Variants in SLIT3 observed in about 807,000 individuals in gnomAD.
SLIT3 encodes the protein slit guidance ligand 3.
SLIT3 carries 68 observed loss-of-function variants against 184.0 expected under a neutral mutation model. That is an observed-to-expected ratio of 0.37 (90% CI 0.30 to 0.45). The LOEUF (loss-of-function observed/expected upper bound fraction) is 0.45, where lower values mean the gene tolerates loss of function less well. Ranked by LOEUF, SLIT3 falls within the 20% of genes least tolerant of loss-of-function variation. The pLI, the probability that SLIT3 is intolerant of heterozygous loss-of-function variation, is 1.00. For missense variants in SLIT3, 1,707 were observed against 2,026.0 expected (o/e 0.84, Z 3.02); for synonymous variants, 831 against 828.6 (o/e 1.00, Z -0.05).
At chr5:169,242,881 T>G (rs1479538393) in intron 3 of SLIT3, among the ~76,000 whole-genome samples, 1 of 152,040 alleles carries the variant, frequency 6.6e-6, no homozygotes, top group Non-Finnish European at 1.5e-5. Context: ...AAATATTTCA[T>G]CGATATTCCC....
rs373741690 is a variant in SLIT3, at chr5:168,883,295, G to A, written c.455C>T (p.Ala152Val). The A allele has an allele frequency of 2.5e-6, 4 of 1,614,060 alleles. No homozygotes were observed. Among genetic ancestry groups the A allele is most frequent in the East Asian group, 2.2e-5 (1 of 44,880 alleles). Residue 152 changes from alanine to valine, a missense_variant, in exon 5 of 36, where the codon GCG becomes GTG. Coordinates refer to ENST00000519560, the MANE Select transcript of SLIT3 (RefSeq NM_003062.4). Reference sequence around the variant, plus strand: ...CTTCACATCGGTGATGCCGCGGAACGCCTTCCTCGGGATCCCCTGGATCTG... The same window carrying A: ...CTTCACATCGGTGATGCCGCGGAACACCTTCCTCGGGATCCCCTGGATCTG... ...ENQIQGIPRK[A>V]FRGITDVKNL...
chr5:168,730,347 T>C (rs1459270472), intron 20 of SLIT3, among the ~76,000 whole-genome samples: 1 of 152,014 alleles, frequency 6.6e-6, no homozygotes, highest in African/African-American at 2.4e-5. Context: ...AAAGAAACAC[T>C]GGACTTAAAT....
intron 5 of SLIT3, among the ~76,000 whole-genome samples, chr5:168,865,022 G>C (rs1759247164): frequency 6.6e-6 from 1 of 151,610 alleles, no homozygotes; most frequent in Admixed American, 6.6e-5. Context: ...ACAAAAATTA[G>C]CCAGGCGTGG....
chr5:169,044,712 G>A (rs1331141756), intron 4 of SLIT3, among the ~76,000 whole-genome samples: 6 of 151,852 alleles, frequency 4.0e-5, no homozygotes, highest in Non-Finnish European at 8.8e-5. Flanking sequence ...AGCACTGAAT[G>A]ATATAATTTA....
rs56062027 is a variant in SLIT3 at position 169,084,454 on chromosome 5, A to ATTTTT, written c.413+109020_413+109024dup. Among the ~76,000 whole-genome samples the ATTTTT allele has an allele frequency of 7.0e-3, 707 of 101,172 alleles. 2 individuals carry two copies. Among genetic ancestry groups the ATTTTT allele is most frequent in the African/African-American group, 9.4e-3 (241 of 25,622 alleles). 66.4% of individuals were successfully genotyped at this position (101,172 alleles called of 152,430 possible). A position where few individuals can be genotyped will look rare whatever the true frequency, so the allele number is the denominator to read the frequency against. On this transcript the variant is annotated intron_variant, in intron 4 of 35. Transcript: ENST00000519560. Reference sequence around the variant, plus strand: ...TACAGGCATGCGCCACCATGCCCAGATTTTTTTTTTTTTTTTTTTTTTTTG... The same window carrying ATTTTT: ...TACAGGCATGCGCCACCATGCCCAGATTTTTTTTTTTTTTTTTTTTTTTTTTTTTG...
chr5:169,004,994 T>G (rs1325482157), intron 4 of SLIT3, among the ~76,000 whole-genome samples: 1 of 152,218 alleles, frequency 6.6e-6, no homozygotes, highest in Non-Finnish European at 1.5e-5. Flanking sequence ...TTCTTCTTTT[T>G]TACAAATTGA....
At chr5:168,815,425 T>C (rs1261262135) in intron 8 of SLIT3, among the ~76,000 whole-genome samples, 1 of 152,222 alleles carries the variant, frequency 6.6e-6, no homozygotes, top group Non-Finnish European at 1.5e-5. Flanking sequence ...GTTTTATCAT[T>C]CTAATTAGTT....
At chr5:169,179,041 C>G (rs1763067936) in intron 4 of SLIT3, among the ~76,000 whole-genome samples, 1 of 152,106 alleles carries the variant, frequency 6.6e-6, no homozygotes, top group Non-Finnish European at 1.5e-5. Context: ...GTTGGTGGTA[C>G]AGCTTTATAC....
intron 1 of SLIT3, among the ~76,000 whole-genome samples, chr5:169,259,632 C>A (rs577593235): frequency 2.4e-4 from 37 of 152,268 alleles, no homozygotes; most frequent in African/African-American, 8.4e-4. Flanking sequence ...CCTGTAGGGG[C>A]TACCATACAA....
At chr5:168,964,761 T>G (rs1320870755) in intron 4 of SLIT3, among the ~76,000 whole-genome samples, 1 of 152,338 alleles carries the variant, frequency 6.6e-6, no homozygotes, top group East Asian at 1.9e-4. Context: ...TCTCAGTTGT[T>G]AGTAGGTGAA....
chr5:169,183,001 C>A (rs1393010794), intron 4 of SLIT3, among the ~76,000 whole-genome samples: 1 of 152,206 alleles, frequency 6.6e-6, no homozygotes, highest in Non-Finnish European at 1.5e-5. Context: ...AGTTTCAACT[C>A]CACAGGTGGG....
intron 1 of SLIT3, among the ~76,000 whole-genome samples, chr5:169,284,474 A>AT (rs1182325647): frequency 6.6e-6 from 1 of 152,136 alleles, no homozygotes; most frequent in African/African-American, 2.4e-5. Flanking sequence ...TCATGGACAA[A>AT]TCAATATACA....
At chr5:169,241,056 A>C (rs1462887425) in intron 3 of SLIT3, among the ~76,000 whole-genome samples, 1 of 152,070 alleles carries the variant, frequency 6.6e-6, no homozygotes, top group Non-Finnish European at 1.5e-5. Flanking sequence ...TTTTGAACTT[A>C]AAAGTCAACT....
intron 11 of SLIT3, among the ~76,000 whole-genome samples, chr5:168,787,054 AC>A (rs1169117360): frequency 4.0e-5 from 6 of 151,066 alleles, no homozygotes; most frequent in African/African-American, 1.5e-4. Context: ...GATAAACCAA[AC>A]CCCCCTTTTC....
At chr5:168,755,853 G>C (rs1004563203) in intron 16 of SLIT3, among the ~76,000 whole-genome samples, 1 of 152,180 alleles carries the variant, frequency 6.6e-6, no homozygotes, top group African/African-American at 2.4e-5. Flanking sequence ...AGATGCTGCA[G>C]AGCCATTAGC....
intron 13 of SLIT3, among the ~76,000 whole-genome samples, chr5:168,773,284 AG>A (rs1402477570): frequency 6.6e-6 from 1 of 152,166 alleles, no homozygotes; most frequent in East Asian, 1.9e-4. Flanking sequence ...CACTTGGGGT[AG>A]AATGCATTTT....
rs1261962710 is a variant in SLIT3, at chr5:168,772,856, C to T, written c.1384G>A (p.Ala462Thr). The T allele has an allele frequency of 6.2e-7, 1 of 1,614,084 alleles. No homozygotes were observed. Among genetic ancestry groups the T allele is most frequent in the Non-Finnish European group, 8.5e-7 (1 of 1,180,020 alleles). Residue 462 changes from alanine to threonine, a missense_variant, in exon 14 of 36, where the codon GCC (alanine) becomes ACC (threonine). Physicochemically the swap from Ala to Thr is moderately conservative, Grantham distance 58. Transcript: ENST00000519560. ...LQDNPIETSG[A>T]RCSSPRRLAN... ...AGTCGGCGCGGGCTGCTGCAGCGGG[C>T]CCCGCTTGTCTCGATGGGGTTGTCC...
intron 18 of SLIT3, among the ~76,000 whole-genome samples, chr5:168,750,154 C>G (rs1754647939): frequency 6.6e-6 from 1 of 152,164 alleles, no homozygotes; most frequent in African/African-American, 2.4e-5. Flanking sequence ...ACCTTGGACT[C>G]TACATACACG....
chr5:169,006,336 G>A (rs958125463), intron 4 of SLIT3, among the ~76,000 whole-genome samples: 2 of 152,138 alleles, frequency 1.3e-5, no homozygotes, highest in African/African-American at 4.8e-5. Context: ...CAATGAGAGA[G>A]TTGGCAGATC....
Sources: allele counts gnomAD v4.1 joint callset (sites outside exome capture counted in the v4.1 genomes callset), GRCh38; gene constraint gnomAD v4.1.1; transcripts MANE v1.5; gene names NCBI Gene and HGNC (gene_info 2026-07-23, HGNC 2026-07-21).